The following P2RY6 variants were observed in gnomAD, a reference collection of about 807,000 sequenced individuals.
P2RY6 encodes P2Y purinoceptor 6.
P2RY6 carries 19 observed loss-of-function variants against 16.3 expected under a neutral mutation model. The ratio of observed to expected loss-of-function variants is 1.16; its 90% CI spans 0.81 to 1.71. The LOEUF is 1.71. Among genes scored for constraint, P2RY6 ranks in the 40% most tolerant of loss-of-function variants. The pLI is 0.00. For missense variants in P2RY6, 389 were observed against 455.5 expected, an observed-to-expected ratio of 0.85 and a Z score of 1.33; for synonymous variants, 184 against 201.5, an observed-to-expected ratio of 0.91 and a Z score of 0.74.
chr11:73,267,492 T>C (rs928762811), upstream of P2RY6, among the ~76,000 whole-genome samples: 3 of 151,976 alleles, frequency 2.0e-5, no homozygotes, highest in African/African-American at 7.3e-5. Context: ...CTGGGCACCT[T>C]GCAAGGCCAT....
chr11:73,282,759 A>C (rs1190421860), intron 1 of P2RY6, among the ~76,000 whole-genome samples: 1 of 151,744 alleles, frequency 6.6e-6, no homozygotes, highest in Non-Finnish European at 1.5e-5. Flanking sequence ...AAATGAATGA[A>C]TGAATGGAGG....
Position 73,297,791 on chromosome 11 carries a change from T to C in P2RY6, c.*286T>C. 2.2e-6 allele frequency: 1 copy of C among 456,338 alleles called. No homozygotes were observed. Among genetic ancestry groups the C allele is most frequent in the Non-Finnish European group, 4.1e-6 (1 of 245,618 alleles). 28.3% of individuals were successfully genotyped at this position (456,338 alleles called of 1,614,324 possible). A position where few individuals can be genotyped will look rare whatever the true frequency, so the allele number is the denominator to read the frequency against. ...TTAAGGTGCTCACAAAAATACAGTG[T>C]GACGTGTACTGTCATCAAGGGGTAT... On this transcript the variant is annotated 3_prime_UTR_variant, in exon 3 of 3. Coordinates refer to ENST00000540124, the MANE Select transcript of P2RY6 (RefSeq NM_001277204.2).
At position 73,297,793 on chromosome 11, in the gene P2RY6, A is replaced by T; in HGVS notation, c.*288A>T. ...AAGGTGCTCACAAAAATACAGTGTGACGTGTACTGTCATCAAGGGGTATGC... is the reference window on the plus strand; with the variant it reads ...AAGGTGCTCACAAAAATACAGTGTGTCGTGTACTGTCATCAAGGGGTATGC... On this transcript the variant is annotated 3_prime_UTR_variant, in exon 3 of 3. Transcript: ENST00000540124. The T allele has an allele frequency of 2.2e-6, 1 of 455,476 alleles. No individual in the cohort carries two copies. The highest frequency in any genetic ancestry group is 4.1e-6 in the Non-Finnish European group (1 of 245,042). 28.2% of individuals were successfully genotyped at this position (455,476 alleles called of 1,614,324 possible).
At chr11:73,289,740 A>G (rs1168339619) in intron 1 of P2RY6, among the ~76,000 whole-genome samples, 2 of 152,192 alleles carry the variant, frequency 1.3e-5, no homozygotes, top group African/African-American at 4.8e-5. Context: ...TTTGGGGGGA[A>G]CAATGGAGAA....
Position 73,297,725 on chromosome 11 carries a change from T to C in P2RY6, c.*220T>C, listed in dbSNP as rs1864573180. On this transcript the variant is annotated 3_prime_UTR_variant, in exon 3 of 3. Coordinates refer to ENST00000540124, the MANE Select transcript of P2RY6 (RefSeq NM_001277204.2). ...GATGGACAGACCTGGGCCTGGCTCT[T>C]GAGAGGTCCCAGTCAGCCATGGAGA... 1.7e-6 allele frequency: 1 copy of C among 583,458 alleles called. No individual in the cohort carries two copies. The highest frequency in any genetic ancestry group is 2.9e-5 in the East Asian group (1 of 35,070). 36.1% of individuals were successfully genotyped at this position (583,458 alleles called of 1,614,324 possible).
Position 73,297,297 on chromosome 11 carries a change from C to T in P2RY6, c.779C>T (p.Thr260Ile). 1 of 1,609,562 alleles carries T rather than the reference C, an allele frequency of 6.2e-7. No individual in the cohort carries two copies. Among genetic ancestry groups the T allele is most frequent in the East Asian group, 2.2e-5 (1 of 44,832 alleles). ...ISFLPFHITK[T>I]AYLAVRSTPG... is the part of the protein sequence containing the mutation. ...TTCCTGCCTTTTCACATCACCAAGA[C>T]AGCCTACCTGGCAGTGCGCTCGACG... The change falls in exon 3 of 3, where the codon ACA becomes ATA. Residue 260 changes from threonine to isoleucine, a missense_variant. Thr to Ile is a moderately conservative substitution (Grantham distance 89). Coordinates refer to ENST00000540124, the MANE Select transcript of P2RY6 (RefSeq NM_001277204.2).
intron 1 of P2RY6, among the ~76,000 whole-genome samples, chr11:73,290,929 A>C (rs1864218279): frequency 6.6e-6 from 1 of 152,216 alleles, no homozygotes; most frequent in Admixed American, 6.5e-5. Context: ...TGTGGTTCCA[A>C]GGTCCTGAGG....
chr11:73,270,077 G>A (rs1418868087), upstream of P2RY6: 1 of 152,232 alleles, frequency 6.6e-6, no homozygotes, highest in Non-Finnish European at 1.5e-5. Flanking sequence ...CTGCTTGCCT[G>A]TCATCTGGAT....
chr11:73,274,906 G>A (rs1348489558), intron 1 of P2RY6, among the ~76,000 whole-genome samples: 1 of 152,250 alleles, frequency 6.6e-6, no homozygotes, highest in Non-Finnish European at 1.5e-5. Context: ...AGGCTGGGGT[G>A]GGGATCCGGC....
Position 73,296,805 on chromosome 11 carries a change from A to T in P2RY6, c.287A>T (p.Asp96Val), listed in dbSNP as rs926526360. 1 of 1,610,840 alleles carries T rather than the reference A, an allele frequency of 6.2e-7. No individual in the cohort carries two copies. Among genetic ancestry groups the T allele is most frequent in the Non-Finnish European group, 8.5e-7 (1 of 1,180,018 alleles). Residue 96 changes from aspartate (D) to valine (V), a missense_variant, in exon 3 of 3, where the codon GAC becomes GTC. Coordinates refer to ENST00000540124, the MANE Select transcript of P2RY6 (RefSeq NM_001277204.2). ...YAQGDHWPFG[D>V]FACRLVRFLF... is the part of the protein sequence containing the mutation. ...CAAGGTGATCACTGGCCCTTTGGCG[A>T]CTTCGCCTGCCGCCTGGTCCGCTTC...
intron 1 of P2RY6, among the ~76,000 whole-genome samples, chr11:73,291,369 G>T (rs555128964): frequency 1.3e-5 from 2 of 152,108 alleles, no homozygotes; most frequent in Non-Finnish European, 2.9e-5. Flanking sequence ...ACAGTGACCC[G>T]CCCTGCTGGG....
chr11:73,286,689 T>C (rs1445689033), intron 1 of P2RY6, among the ~76,000 whole-genome samples: 1 of 151,956 alleles, frequency 6.6e-6, no homozygotes, highest in East Asian at 1.9e-4. Flanking sequence ...CCAAAGCCTA[T>C]ACTGGTCTCT....
intron 1 of P2RY6, among the ~76,000 whole-genome samples, chr11:73,288,227 C>T (rs1591685108): frequency 6.6e-6 from 1 of 152,138 alleles, no homozygotes; most frequent in African/African-American, 2.4e-5. Flanking sequence ...CTTGTGGGTG[C>T]ACTCTTCGGC....
In P2RY6 at chr11:73,272,485, T is replaced by A; in HGVS notation, c.-121+19T>A. The stretch of plus-strand genomic sequence containing the variant: ...CTCTTGGGTGAGTTTTCTGGGTCCA[T>A]GCCTGGAAGGGCTTGCGCCCCTCAG... On this transcript the variant is annotated intron_variant, in intron 1 of 2. Transcript: ENST00000540124. 1 of 985,528 alleles carries A rather than the reference T, an allele frequency of 1.0e-6. No homozygotes were observed. Among genetic ancestry groups the A allele is most frequent in the Non-Finnish European group, 1.2e-6 (1 of 829,978 alleles). The allele number at this position is 985,528 out of a possible 1,614,324, so 61.0% of individuals were successfully genotyped here.
At chr11:73,282,394 G>A (rs549748659) in intron 1 of P2RY6, among the ~76,000 whole-genome samples, 1 of 152,354 alleles carries the variant, frequency 6.6e-6, no homozygotes, top group East Asian at 1.9e-4. Flanking sequence ...GGCCACGTGT[G>A]TAGCCTGGCA....
chr11:73,278,146 T>TTTTATTTA (rs59488451), intron 1 of P2RY6, among the ~76,000 whole-genome samples: 1,674 of 146,054 alleles, frequency 0.011, 35 homozygotes, highest in African/African-American at 0.038. Flanking sequence ...TCCAGGACTG[T>TTTTATTTA]TTTATTTATT....
In P2RY6 at chr11:73,297,612, A is replaced by G. The variant is rs879567549; in HGVS notation, c.*107A>G. 6.7e-6 allele frequency: 6 copies of G among 901,748 alleles called. No homozygotes were observed. The highest frequency in any genetic ancestry group is 1.7e-5 in the African/African-American group (1 of 59,336). 55.9% of individuals were successfully genotyped at this position (901,748 alleles called of 1,614,324 possible). ...GAATTAGAGTTCAGCTCAGCTGGGC[A>G]TGGAGTTAAGATCCCTCACAGGACC... On this transcript the variant is annotated 3_prime_UTR_variant, in exon 3 of 3. Transcript: ENST00000540124.
chr11:73,276,807 T>C (rs1863556712), intron 1 of P2RY6, among the ~76,000 whole-genome samples: 1 of 152,212 alleles, frequency 6.6e-6, no homozygotes, highest in Non-Finnish European at 1.5e-5. Flanking sequence ...CACAATCTTG[T>C]GAATATGCTA....
rs1408227663 is a variant in P2RY6 at position 73,296,688 on chromosome 11, C to T, written c.170C>T (p.Ala57Val). Residue 57 changes from alanine to valine, a missense_variant, in exon 3 of 3, where the codon GCC (alanine) becomes GTC (valine). By Grantham distance (64) the Ala-to-Val change is moderately conservative. Coordinates refer to ENST00000540124, the MANE Select transcript of P2RY6 (RefSeq NM_001277204.2). ...VITQICTSRR[A>V]LTRTAVYTLN... is the part of the protein sequence containing the mutation. ...ACCCAGATCTGCACGTCCCGCCGGG[C>T]CCTGACCCGCACGGCCGTGTACACC... 2 of 1,614,018 alleles carry T rather than the reference C, an allele frequency of 1.2e-6. No individual in the cohort carries two copies. Among genetic ancestry groups the T allele is most frequent in the South Asian group, 2.2e-5 (2 of 91,094 alleles).
Sources: allele counts gnomAD v4.1 joint callset (sites outside exome capture counted in the v4.1 genomes callset), GRCh38; gene constraint gnomAD v4.1.1; transcripts MANE v1.5; gene names NCBI Gene and HGNC (gene_info 2026-07-23, HGNC 2026-07-21).